Variants in CCDC88A observed in about 807,000 individuals in gnomAD.
CCDC88A encodes the protein girdin.
A neutral mutation model predicts 234.3 loss-of-function variants in CCDC88A; 54 were observed. The observed-to-expected ratio is 0.23, with a 90% confidence interval of 0.19 to 0.29. The LOEUF (loss-of-function observed/expected upper bound fraction) is 0.29. CCDC88A is among the 10% of genes least tolerant of loss of function. CCDC88A has a pLI of 1.00. For missense variants in CCDC88A, 1,832 were observed against 2,123.4 expected (o/e 0.86, Z 2.70); for synonymous variants, 753 against 737.8 (o/e 1.02, Z -0.33).
chr2:55,325,230 C>T (rs1684115930), intron 17 of CCDC88A, among the ~76,000 whole-genome samples: 3 of 152,142 alleles, frequency 2.0e-5, no homozygotes, highest in Admixed American at 1.3e-4. Context: ...TGAGGTATTT[C>T]CTTTGGTGTT....
rs552537044 is a variant in CCDC88A at position 55,406,842 on chromosome 2, A to G, written c.164+11974T>C. 4.6e-5 allele frequency among the ~76,000 whole-genome samples: 7 copies of G among 152,298 alleles called. No individual in the cohort carries two copies. The East Asian group carries it at 1.3e-3, about 29-fold the overall frequency. ...TGGTCCTTCACCACCCAGGGAAAGG[A>G]GACATTAACAGTTATGTTATCGATG... On this transcript the variant is annotated intron_variant, in intron 2 of 32. Transcript: ENST00000436346.
rs1008186533 is a variant in CCDC88A, at chr2:55,317,598, T to C, written c.3568A>G (p.Asn1190Asp). 5 of 1,586,400 alleles carry C rather than the reference T, an allele frequency of 3.2e-6. No individual in the cohort carries two copies. Among genetic ancestry groups the C allele is most frequent in the Non-Finnish European group, 4.3e-6 (5 of 1,161,030 alleles). The change falls in exon 20 of 33, where the codon AAT becomes GAT. Residue 1190 changes from asparagine to aspartate, a missense_variant. Asn to Asp is a conservative substitution (Grantham distance 23). Coordinates refer to ENST00000436346, the MANE Select transcript of CCDC88A (RefSeq NM_001365480.1). This position sits in a 1 kb window ranked among gnomAD's most constrained non-coding sequence, Gnocchi z 4.2. Reference protein sequence around the residue: ...KHGTLKSAHKNLEVEHRDLED... With the variant: ...KHGTLKSAHKDLEVEHRDLED... The stretch of plus-strand genomic sequence containing the variant: ...AGGTCTCTATGTTCCACCTCAAGAT[T>C]TTTGTGGGCAGACTTCAGAGTTCCA...
intron 5 of CCDC88A, among the ~76,000 whole-genome samples, chr2:55,364,720 G>T (rs1449990518): frequency 1.3e-5 from 2 of 151,972 alleles, no homozygotes; most frequent in African/African-American, 4.8e-5. Flanking sequence ...CTTTTAAAAA[G>T]CTTTATATAA....
chr2:55,369,738 C>T (rs556759435), intron 5 of CCDC88A, among the ~76,000 whole-genome samples: 1 of 152,194 alleles, frequency 6.6e-6, no homozygotes, highest in East Asian at 1.9e-4. Flanking sequence ...CTTCATGTTC[C>T]TTGAATAGGG....
intron 2 of CCDC88A, chr2:55,405,946 T>A (rs1392002352): frequency 1.3e-5 from 2 of 152,076 alleles, no homozygotes; most frequent in Non-Finnish European, 2.9e-5. Flanking sequence ...GATCACGAGG[T>A]CAGGAGATCA....
intron 5 of CCDC88A, among the ~76,000 whole-genome samples, chr2:55,367,522 T>C (rs1672158158): frequency 7.8e-6 from 1 of 127,536 alleles, no homozygotes; most frequent in Non-Finnish European, 1.6e-5. Context: ...ATTGTTTTAT[T>C]TCCTTGTTTT....
intron 5 of CCDC88A, among the ~76,000 whole-genome samples, chr2:55,366,610 A>G (rs1396763644): frequency 6.6e-6 from 1 of 151,968 alleles, no homozygotes; most frequent in Non-Finnish European, 1.5e-5. Context: ...CATAGGAAAA[A>G]AGCAAAAAAA....
Position 55,379,454 on chromosome 2 carries a change from G to C in CCDC88A, c.274-4571C>G, listed in dbSNP as rs369803783. Among the ~76,000 whole-genome samples, 30 of 152,052 alleles carry C rather than the reference G, an allele frequency of 2.0e-4. No individual in the cohort carries two copies. In the South Asian group the frequency reaches 2.9e-3, roughly 15 times the overall value. On this transcript the variant is annotated intron_variant, in intron 3 of 32. Transcript: ENST00000436346. ...AGAGAAAAAGGTTTTGAGAAAATCA[G>C]GGCAGTCATTTATTCAACAAATATT... is the stretch of plus-strand genomic sequence containing the variant.
intron 5 of CCDC88A, among the ~76,000 whole-genome samples, chr2:55,368,955 T>C (rs1198674310): frequency 6.6e-6 from 1 of 152,226 alleles, no homozygotes; most frequent in African/African-American, 2.4e-5. Flanking sequence ...ATTGTTTATA[T>C]GGTCACAGCT....
intron 7 of CCDC88A, among the ~76,000 whole-genome samples, chr2:55,357,375 T>C (rs1670727455): frequency 6.7e-6 from 1 of 150,342 alleles, no homozygotes; most frequent in African/African-American, 2.5e-5. Flanking sequence ...TATCTCTCTC[T>C]CCCTCTCTCC....
chr2:55,355,929 G>A lies in CCDC88A; in HGVS notation c.628-178C>T, dbSNP rs1670511471. ...AACTTTCATTCAACAGTTCATGCAT[G>A]GGCTACTTAGCAAATGACACTTAAC... On this transcript the variant is annotated intron_variant, in intron 7 of 32. Coordinates refer to ENST00000436346, the MANE Select transcript of CCDC88A (RefSeq NM_001365480.1). The A allele has an allele frequency of 6.4e-6, 3 of 471,420 alleles. No individual in the cohort carries two copies. In the East Asian group the frequency reaches 9.8e-5, roughly 15 times the overall value. 29.2% of individuals were successfully genotyped at this position (471,420 alleles called of 1,614,324 possible). A position where few individuals can be genotyped will look rare whatever the true frequency, so the allele number is the denominator to read the frequency against.
intron 12 of CCDC88A, among the ~76,000 whole-genome samples, chr2:55,341,490 G>C (rs896748676): frequency 6.8e-6 from 1 of 147,714 alleles, no homozygotes; most frequent in Admixed American, 6.9e-5. Context: ...TGTCACCTAG[G>C]CTGGAGTGCA....
In CCDC88A at chr2:55,344,520, A is replaced by T; in HGVS notation, c.1042-6T>A. On this transcript the variant is annotated splice_polypyrimidine_tract_variant and splice_region_variant and intron_variant, in intron 10 of 32. Transcript: ENST00000436346. The stretch of plus-strand genomic sequence containing the variant: ...TGATTGTCTTCTTTTAATTCCTATA[A>T]ATGTTTATCACAAATGTGTTAATAT... The T allele has an allele frequency of 6.9e-7, 1 of 1,456,200 alleles. No homozygotes were observed. The highest frequency in any genetic ancestry group is 9.3e-7 in the Non-Finnish European group (1 of 1,070,186). 90.2% of individuals were successfully genotyped at this position (1,456,200 alleles called of 1,614,324 possible). A position where few individuals can be genotyped will look rare whatever the true frequency, so the allele number is the denominator to read the frequency against.
chr2:55,378,546 T>A (rs1674072011), intron 3 of CCDC88A, among the ~76,000 whole-genome samples: 1 of 152,156 alleles, frequency 6.6e-6, no homozygotes. Flanking sequence ...GTTTCAAAAA[T>A]GATGATAATT....
intron 3 of CCDC88A, among the ~76,000 whole-genome samples, chr2:55,375,176 CCTGGGCAA>C (rs1236831743): frequency 2.0e-5 from 3 of 151,874 alleles, no homozygotes; most frequent in African/African-American, 7.3e-5. Flanking sequence ...TCAAGATGAG[CCTGGGCAA>C]CATAGTGAGA....
chr2:55,300,004 T>C, intron 28 of CCDC88A, 85 bp from the exon 29 acceptor site: 1 of 927,950 alleles, frequency 1.1e-6, no homozygotes, highest in Non-Finnish European at 1.8e-6. Flanking sequence ...ACAGAATGCT[T>C]TGAGGAAGCA....
Position 55,344,585 on chromosome 2 carries a change from T to C in CCDC88A, c.1042-71A>G, listed in dbSNP as rs1235346951. On this transcript the variant is annotated intron_variant, in intron 10 of 32. Transcript: ENST00000436346. ...AAGTTATGGAACATACAGATTATCA[T>C]AAAACATTAAGCCATCTTTATCAAC... is the stretch of plus-strand genomic sequence containing the variant. 8.1e-6 allele frequency: 7 copies of C among 866,020 alleles called. No homozygotes were observed. In the African/African-American group the frequency reaches 1.2e-4, roughly 15 times the overall value. 53.6% of individuals were successfully genotyped at this position (866,020 alleles called of 1,614,324 possible). A position where few individuals can be genotyped will look rare whatever the true frequency, so the allele number is the denominator to read the frequency against.
intron 17 of CCDC88A, chr2:55,323,744 C>T (rs562307256): frequency 6.6e-6 from 1 of 152,290 alleles, no homozygotes; most frequent in East Asian, 1.9e-4. Context: ...CATAGTCTCA[C>T]TCTGTCACCC....
chr2:55,401,470 ATGTGTGTG>A (rs1553436316), intron 2 of CCDC88A, among the ~76,000 whole-genome samples: 1 of 31,502 alleles, frequency 3.2e-5, no homozygotes, highest in African/African-American at 8.2e-5. Flanking sequence ...ATATATACAT[ATGTGTGTG>A]TATGTATGTG....
Sources: gnomAD v4.1 joint callset for allele counts (sites outside exome capture counted in the v4.1 genomes callset) on GRCh38, gnomAD v4.1.1 for gene constraint, Gnocchi (gnomAD v3.1) non-coding constraint, MANE v1.5 for transcripts, NCBI Gene and HGNC (gene_info 2026-07-23, HGNC 2026-07-21) for gene names.